SRRM3: variants seen among roughly 807,000 people sequenced by gnomAD.
The protein encoded by SRRM3 is serine/arginine repetitive matrix protein 3.
Under a neutral mutation model 66.2 loss-of-function variants are expected in SRRM3, and 27 were observed. The ratio of observed to expected loss-of-function variants is 0.41; its 90% confidence interval spans 0.30 to 0.56. The LOEUF is 0.56. SRRM3 is among the 20% of genes least tolerant of loss of function. The pLI is 0.32. For synonymous variants in SRRM3, 391 were observed against 414.9 expected (o/e 0.94, Z 0.70); for missense variants, 918 against 991.9 (o/e 0.93, Z 1.00).
chr7:76,236,567 A>G (rs533638117), intron 2 of SRRM3, among the ~76,000 whole-genome samples: 62 of 152,310 alleles, frequency 4.1e-4, no homozygotes, highest in African/African-American at 1.4e-3. Context: ...AGGGGCCACC[A>G]TCTCTGAGGA....
chr7:76,238,011 C>CTCA (rs1301438178), intron 2 of SRRM3, among the ~76,000 whole-genome samples: 1 of 152,062 alleles, frequency 6.6e-6, no homozygotes, highest in East Asian at 1.9e-4. Context: ...CACCCAAGCT[C>CTCA]TCACTTGAGG....
At chr7:76,231,172 G>C (rs571268029) in intron 1 of SRRM3, among the ~76,000 whole-genome samples, 1 of 152,282 alleles carries the variant, frequency 6.6e-6, no homozygotes, top group South Asian at 2.1e-4. Flanking sequence ...AATGGGCTTA[G>C]TGTGCAATGA....
At chr7:76,223,679 C>G (rs1013387293) in intron 1 of SRRM3, among the ~76,000 whole-genome samples, 4 of 152,150 alleles carry the variant, frequency 2.6e-5, no homozygotes, top group African/African-American at 9.7e-5. Context: ...TGTCACCACA[C>G]TGGGCTTTTT....
chr7:76,234,970 A>G (rs1801104506), intron 1 of SRRM3, 58 bp from the exon 2 acceptor site: 1 of 958,550 alleles, frequency 1.0e-6, no homozygotes, highest in Non-Finnish European at 1.5e-6. Context: ...AGCAGAGAGG[A>G]GCTTAACAGG....
intron 2 of SRRM3, among the ~76,000 whole-genome samples, chr7:76,245,464 A>T (rs1801415918): frequency 6.6e-6 from 1 of 152,210 alleles, no homozygotes; most frequent in Admixed American, 6.5e-5. Context: ...TTTAATATAC[A>T]TAGTAGTTAT....
intron 14 of SRRM3, chr7:76,283,464 T>TC: frequency 3.9e-6 from 1 of 254,196 alleles, no homozygotes. Context: ...CCGGAGCCCC[T>TC]CCCGCCCTCC....
intron 2 of SRRM3, among the ~76,000 whole-genome samples, chr7:76,240,470 A>G (rs1410212244): frequency 6.6e-6 from 1 of 151,770 alleles, no homozygotes; most frequent in Non-Finnish European, 1.5e-5. Flanking sequence ...AATACAAAAA[A>G]TTAGCCGGGT....
chr7:76,219,728 G>T (rs1378944592), intron 1 of SRRM3, among the ~76,000 whole-genome samples: 2 of 152,118 alleles, frequency 1.3e-5, no homozygotes, highest in East Asian at 3.9e-4. Context: ...GGCCAACATA[G>T]TGAAACCCCG....
At chr7:76,242,140 A>C (rs1195600241) in intron 2 of SRRM3, among the ~76,000 whole-genome samples, 3 of 152,162 alleles carry the variant, frequency 2.0e-5, no homozygotes, top group African/African-American at 7.2e-5. Context: ...TCCTAAACTA[A>C]TAGAGCAGCA....
intron 11 of SRRM3, among the ~76,000 whole-genome samples, chr7:76,277,719 A>C (rs1223438043): frequency 5.1e-4 from 22 of 43,460 alleles, no homozygotes; most frequent in African/African-American, 1.3e-3. Context: ...ACAACAACAA[A>C]AAAAAAAAAA....
At chr7:76,242,597 A>G (rs186661695) in intron 2 of SRRM3, among the ~76,000 whole-genome samples, 11 of 152,206 alleles carry the variant, frequency 7.2e-5, no homozygotes, top group African/African-American at 1.9e-4. Context: ...TTATTATTAG[A>G]CTGTATTATG....
At chr7:76,260,330 G>A (rs1250985067) in intron 5 of SRRM3, 133 bp downstream of exon 5, 3 of 524,170 alleles carry the variant, frequency 5.7e-6, no homozygotes, top group African/African-American at 1.1e-4. Context: ...CGCCCTCCCC[G>A]TGCCGTCCCC....
At chr7:76,236,930 T>TA (rs1801167586) in intron 2 of SRRM3, among the ~76,000 whole-genome samples, 1 of 152,120 alleles carries the variant, frequency 6.6e-6, no homozygotes, top group Non-Finnish European at 1.5e-5. Context: ...GAGCATCTCC[T>TA]ACAGTGAGAA....
chr7:76,271,876 C>T (rs1265162317), intron 11 of SRRM3, among the ~76,000 whole-genome samples: 1 of 152,220 alleles, frequency 6.6e-6, no homozygotes. Context: ...TCTGCCTACA[C>T]TGAGAGACCT....
In SRRM3 at chr7:76,242,131, C is replaced by T. The variant is rs141638525; in HGVS notation, c.234-6057C>T. ...GACTCCTTAAAACAATCAGCTCTTTCCTAAACTAATAGAGCAGCAGTCTCC... is the reference window on the plus strand; with the variant it reads ...GACTCCTTAAAACAATCAGCTCTTTTCTAAACTAATAGAGCAGCAGTCTCC... On this transcript the variant is annotated intron_variant, in intron 2 of 14. Transcript: ENST00000611745. Among the ~76,000 whole-genome samples, 195 of 152,246 alleles carry T rather than the reference C, an allele frequency of 1.3e-3. 9 individuals carry two copies. In the South Asian group the frequency reaches 0.036, roughly 28 times the overall value.
At position 76,248,737 on chromosome 7, in the gene SRRM3, G is replaced by A. The variant is rs148718079; in HGVS notation, c.335+448G>A. On this transcript the variant is annotated intron_variant, in intron 3 of 14. Transcript: ENST00000611745. Reference sequence around the variant, plus strand: ...CTCAAGCCTGTAATCCCAGCACTTCGGGAGGCCAAGTCAGGCAGATCGCTT... The same window carrying A: ...CTCAAGCCTGTAATCCCAGCACTTCAGGAGGCCAAGTCAGGCAGATCGCTT... Among the ~76,000 whole-genome samples, 343 of 152,278 alleles carry A rather than the reference G, an allele frequency of 2.3e-3. 1 individual carries two copies. Among genetic ancestry groups the A allele is most frequent in the African/African-American group, 7.9e-3 (328 of 41,544 alleles).
chr7:76,227,763 G>A (rs1800912384), intron 1 of SRRM3, among the ~76,000 whole-genome samples: 1 of 152,224 alleles, frequency 6.6e-6, no homozygotes, highest in African/African-American at 2.4e-5. Context: ...TGTTGGGTGA[G>A]TGTTTGTTGA....
intron 2 of SRRM3, 57 bp from the exon 3 acceptor site, chr7:76,248,131 G>C: frequency 1.4e-6 from 2 of 1,452,888 alleles, no homozygotes; most frequent in Non-Finnish European, 1.9e-6. Context: ...TGCGGGGCAG[G>C]AAAGAGGGAA....
At chr7:76,215,397 T>A (rs1563607894) in intron 1 of SRRM3, among the ~76,000 whole-genome samples, 2 of 141,754 alleles carry the variant, frequency 1.4e-5, no homozygotes, top group Non-Finnish European at 3.1e-5. Context: ...GCCCGCAGTT[T>A]TTTTTTTTTT....
Sources: gnomAD v4.1 joint callset for allele counts (sites outside exome capture counted in the v4.1 genomes callset) on GRCh38, gnomAD v4.1.1 for gene constraint, MANE v1.5 for transcripts, NCBI Gene and HGNC (gene_info 2026-07-23, HGNC 2026-07-21) for gene names.